The following UBR1 variants were observed in gnomAD, a reference collection of about 807,000 sequenced individuals.
UBR1 encodes ubiquitin protein ligase E3 component n-recognin 1.
Under a neutral mutation model 242.1 loss-of-function variants are expected in UBR1, and 102 were observed. The ratio of observed to expected loss-of-function variants is 0.42; its 90% CI spans 0.36 to 0.50. UBR1 has a LOEUF of 0.50. Among genes scored for constraint, UBR1 ranks in the 20% least tolerant of loss-of-function variants. The pLI is 0.01. For synonymous variants in UBR1, 675 were observed against 684.8 expected (o/e 0.99, Z 0.22); for missense variants, 1,772 against 2,101.8 (o/e 0.84, Z 3.07).
intron 40 of UBR1, 105 bp downstream of exon 40, chr15:42,970,415 G>C: frequency 8.2e-7 from 1 of 1,220,560 alleles, no homozygotes; most frequent in Non-Finnish European, 1.2e-6. Context: ...GGCAATAACT[G>C]ATTATTTTTA....
intron 23 of UBR1, 95 bp downstream of exon 23, chr15:43,026,466 C>T (rs924071563): frequency 8.4e-6 from 8 of 947,550 alleles, no homozygotes; most frequent in Non-Finnish European, 1.3e-5. Context: ...TAATAAGAAC[C>T]AGCGTGAAAC....
chr15:43,050,739 A>AG (rs1567137142), intron 12 of UBR1, among the ~76,000 whole-genome samples: 2 of 151,986 alleles, frequency 1.3e-5, no homozygotes, highest in Admixed American at 1.3e-4. Context: ...AAAAAAAAAA[A>AG]AAGCGGGGCA....
At chr15:43,085,051 G>A (rs771813892) in intron 2 of UBR1, among the ~76,000 whole-genome samples, 2 of 152,160 alleles carry the variant, frequency 1.3e-5, no homozygotes, top group Non-Finnish European at 2.9e-5. Context: ...TTTCCCTGCC[G>A]CTGGCCTCTT....
chr15:43,051,073 GGGTA>G (rs1324464748), intron 12 of UBR1, among the ~76,000 whole-genome samples: 3 of 152,240 alleles, frequency 2.0e-5, no homozygotes, highest in South Asian at 2.1e-4. Flanking sequence ...TTTCATTACC[GGGTA>G]TTCACCCAAA....
chr15:43,054,611 T>G, intron 12 of UBR1, 131 bp downstream of exon 12: 1 of 1,017,036 alleles, frequency 9.8e-7, no homozygotes, highest in Non-Finnish European at 1.6e-6. Context: ...GCAGTAACAG[T>G]TCTTTGTACT....
intron 44 of UBR1, among the ~76,000 whole-genome samples, chr15:42,955,369 T>C (rs16957284): frequency 0.047 from 7,093 of 152,272 alleles, 538 homozygotes; most frequent in African/African-American, 0.16. Context: ...AGTATTTTAC[T>C]AAAACGTCTG....
At chr15:42,989,831 G>A (rs2032528226) in intron 34 of UBR1, among the ~76,000 whole-genome samples, 199 bp downstream of exon 34, 1 of 152,082 alleles carries the variant, frequency 6.6e-6, no homozygotes, top group South Asian at 2.1e-4. Context: ...CAGAGGCATA[G>A]TTCACCTTAA....
chr15:43,081,186 A>G (rs2033970149), intron 3 of UBR1, among the ~76,000 whole-genome samples: 1 of 152,204 alleles, frequency 6.6e-6, no homozygotes. Flanking sequence ...CAGGAGGCTG[A>G]GGCGGGTGGA....
intron 30 of UBR1, among the ~76,000 whole-genome samples, chr15:43,005,072 C>T (rs1368692031): frequency 6.6e-6 from 1 of 151,690 alleles, no homozygotes; most frequent in Non-Finnish European, 1.5e-5. Context: ...CGACCGCCAC[C>T]CCATCTGGGA....
intron 5 of UBR1, among the ~76,000 whole-genome samples, chr15:43,069,615 A>G (rs183232949): frequency 5.9e-5 from 9 of 152,318 alleles, no homozygotes; most frequent in Admixed American, 2.6e-4. Context: ...TACTTTTACA[A>G]TACGCTCAAT....
chr15:43,032,711 T>C (rs1304586879), intron 19 of UBR1, 80 bp from the exon 20 acceptor site: 2 of 842,952 alleles, frequency 2.4e-6, no homozygotes, highest in East Asian at 2.8e-5. Flanking sequence ...ACGAGACTCA[T>C]GGTCCATCCA....
chr15:43,004,000 G>A (rs2032765342), intron 30 of UBR1, 70 bp from the exon 31 acceptor site: 1 of 1,367,752 alleles, frequency 7.3e-7, no homozygotes, highest in Admixed American at 1.7e-5. Context: ...ATCACAAACT[G>A]TCTTAGGAAT....
At chr15:43,043,448 T>C (rs539625089) in intron 14 of UBR1, 53 bp from the exon 15 acceptor site, 1 of 1,587,106 alleles carries the variant, frequency 6.3e-7, no homozygotes, top group African/African-American at 1.3e-5. Context: ...TTTAACACTT[T>C]TTTTGTTTTG....
At chr15:43,034,235 CAAAA>C (rs1330030456) in intron 19 of UBR1, among the ~76,000 whole-genome samples, 3 of 130,876 alleles carry the variant, frequency 2.3e-5, no homozygotes, top group Non-Finnish European at 4.8e-5. Context: ...CACTCCATCT[CAAAA>C]ATAAATAAAT....
At chr15:42,976,969 G>T (rs927174627) in intron 38 of UBR1, 102 bp from the exon 39 acceptor site, 3 of 1,265,942 alleles carry the variant, frequency 2.4e-6, no homozygotes, top group Non-Finnish European at 3.4e-6. Flanking sequence ...CACAGTGTTT[G>T]TGTGTGTGTT....
chr15:42,995,146 G>T lies in UBR1; in HGVS notation c.3757+3022C>A, dbSNP rs548532585. Among the ~76,000 whole-genome samples, 3 of 152,244 alleles carry T rather than the reference G, an allele frequency of 2.0e-5. No homozygotes were observed. The East Asian group carries it at 5.8e-4, about 29-fold the overall frequency. ...AAGTGATATTTCTACTTAATGCCAT[G>T]TTTGAGACCTCCAATTAAACATTTA... On this transcript the variant is annotated intron_variant, in intron 33 of 46. Coordinates refer to ENST00000290650, the MANE Select transcript of UBR1 (RefSeq NM_174916.3).
intron 17 of UBR1, among the ~76,000 whole-genome samples, chr15:43,037,368 AG>A (rs1200229503): frequency 1.6e-3 from 240 of 151,662 alleles, no homozygotes; most frequent in Middle Eastern, 6.8e-3. Context: ...AAAAAGAAAA[AG>A]GAAAAAAAAA....
rs753525736 is a variant in UBR1 at position 43,030,024 on chromosome 15, C to T, written c.2299G>A (p.Val767Ile). 1 of 1,614,038 alleles carries T rather than the reference C, an allele frequency of 6.2e-7. No individual in the cohort carries two copies. The highest frequency in any genetic ancestry group is 1.1e-5 in the South Asian group (1 of 91,068). Residue 767 changes from valine (V) to isoleucine (I), a missense_variant, in exon 21 of 47, where the codon GTC becomes ATC. By Grantham distance (29) the Val-to-Ile change is conservative. This residue lies in a region of UBR1 where 73 missense variants were observed against 128.9 expected (regional missense o/e 0.57). Coordinates refer to ENST00000290650, the MANE Select transcript of UBR1 (RefSeq NM_174916.3). Reference protein sequence around the residue: ...PGVGNVTKEEVTMREIIHLLC... With the variant: ...PGVGNVTKEEITMREIIHLLC... ...AAGTGAATGATTTCTCTCATTGTGACCTCTTCTTTGGTCACATTTCCCACT... is the reference window on the plus strand; with the variant it reads ...AAGTGAATGATTTCTCTCATTGTGATCTCTTCTTTGGTCACATTTCCCACT...
intron 3 of UBR1, among the ~76,000 whole-genome samples, chr15:43,079,161 A>C (rs1426584231): frequency 3.3e-5 from 5 of 151,486 alleles, no homozygotes; most frequent in African/African-American, 4.9e-5. Context: ...AAACAACGGA[A>C]CACAACTAAC....
Sources: allele counts gnomAD v4.1 joint callset (sites outside exome capture counted in the v4.1 genomes callset), GRCh38; gene constraint gnomAD v4.1.1; regional missense constraint gnomAD v4.1.1; transcripts MANE v1.5; gene names NCBI Gene and HGNC (gene_info 2026-07-23, HGNC 2026-07-21).